The following LPAR1 variants were observed in gnomAD, a reference collection of about 807,000 sequenced individuals.
The protein encoded by LPAR1 is LPA receptor 1.
Under a neutral mutation model 23.8 loss-of-function variants are expected in LPAR1, and 5 were observed. That is an observed-to-expected ratio of 0.21 (90% CI 0.11 to 0.44). The LOEUF (loss-of-function observed/expected upper bound fraction) is 0.44, where lower values mean the gene tolerates loss of function less well. Among genes scored for constraint, LPAR1 ranks in the 20% least tolerant of loss-of-function variants. The pLI is 0.99. For missense variants in LPAR1, 311 were observed against 482.8 expected, an observed-to-expected ratio of 0.64 and a Z score of 3.33; for synonymous variants, 160 against 164.7, an observed-to-expected ratio of 0.97 and a Z score of 0.22.
At chr9:110,980,568 A>C (rs56335971) in intron 2 of LPAR1, among the ~76,000 whole-genome samples, 34,333 of 151,450 alleles carry the variant, frequency 0.23, 4,460 homozygotes, top group African/African-American at 0.35. Flanking sequence ...GGGAGCTAAA[A>C]AAGTTGATCC....
chr9:110,934,843 C>G lies in LPAR1; in HGVS notation c.793+6578G>C, dbSNP rs193232585. 2.2e-3 allele frequency among the ~76,000 whole-genome samples: 318 copies of G among 146,850 alleles called. 1 individual carries two copies. In the East Asian group the frequency reaches 0.025, roughly 11 times the overall value. ...ACAAACACACACACACACACACACA[C>G]AGAGAGTGAGAGAGAGAGGAGAGGA... On this transcript the variant is annotated intron_variant, in intron 5 of 5. Transcript: ENST00000683809.
chr9:110,885,878 T>C (rs1831036), intron 5 of LPAR1, among the ~76,000 whole-genome samples: 109,262 of 150,776 alleles, frequency 0.72, 40,423 homozygotes, highest in African/African-American at 0.77. Context: ...GCCTGACCAA[T>C]ATGATAAAAC....
rs182326375 is a variant in LPAR1 at position 110,905,130 on chromosome 9, G to A, written c.794-29408C>T. ...TTAGATCAACTATAACAAATCCTTG[G>A]AACTAAAGGAACTATATGAAAATTG... On this transcript the variant is annotated intron_variant, in intron 5 of 5. Coordinates refer to ENST00000683809, the MANE Select transcript of LPAR1 (RefSeq NM_001351411.2). 2.6e-4 allele frequency among the ~76,000 whole-genome samples: 38 copies of A among 143,482 alleles called. No individual in the cohort carries two copies. In the East Asian group the frequency reaches 6.0e-3, roughly 23 times the overall value. The allele number at this position is 143,482 out of a possible 152,430, so 94.1% of individuals were successfully genotyped here.
chr9:110,885,893 T>C (rs935075051), intron 5 of LPAR1, among the ~76,000 whole-genome samples: 3 of 151,874 alleles, frequency 2.0e-5, no homozygotes, highest in Admixed American at 1.3e-4. Context: ...TAAAACCCCA[T>C]CTCTACTAAA....
chr9:110,894,137 T>C (rs1469748893), intron 5 of LPAR1, among the ~76,000 whole-genome samples: 1 of 151,952 alleles, frequency 6.6e-6, no homozygotes, highest in Non-Finnish European at 1.5e-5. Flanking sequence ...AATATTCACA[T>C]GGGAACTTAA....
chr9:110,912,632 A>G (rs1027420460), intron 5 of LPAR1, among the ~76,000 whole-genome samples: 26 of 152,320 alleles, frequency 1.7e-4, no homozygotes, highest in African/African-American at 6.0e-4. Context: ...GCTTTCATCA[A>G]CTATAGAAGC....
Position 111,005,575 on chromosome 9 carries a change from A to AAAAAAAAAAAG in LPAR1, c.-182+30546_-182+30547insCTTTTTTTTTT, listed in dbSNP as rs1564316925. On this transcript the variant is annotated intron_variant, in intron 2 of 5. Transcript: ENST00000683809. ...AAAAAAAAAAAAAAAAAAAAAAAAA[A>AAAAAAAAAAAG]AAGAAGAATTGGGAAGGAGGAAGCA... is the stretch of plus-strand genomic sequence containing the variant. 1.9e-3 allele frequency among the ~76,000 whole-genome samples: 245 copies of AAAAAAAAAAAG among 131,440 alleles called. 6 individuals are homozygous for AAAAAAAAAAAG. Among genetic ancestry groups the AAAAAAAAAAAG allele is most frequent in the African/African-American group, 7.5e-3 (233 of 30,888 alleles). The allele number at this position is 131,440 out of a possible 152,430, so 86.2% of individuals were successfully genotyped here.
intron 5 of LPAR1, among the ~76,000 whole-genome samples, chr9:110,923,149 T>G (rs373574470): frequency 1.2e-4 from 18 of 152,204 alleles, no homozygotes; most frequent in Middle Eastern, 3.4e-3. Context: ...CAAGACATAA[T>G]AAAGATCTGC....
At chr9:110,964,500 G>A (rs144706485) in intron 4 of LPAR1, among the ~76,000 whole-genome samples, 72 of 152,156 alleles carry the variant, frequency 4.7e-4, no homozygotes, top group Non-Finnish European at 8.8e-4. Context: ...ACAATGCTAG[G>A]GATCCTAAAA....
intron 5 of LPAR1, among the ~76,000 whole-genome samples, chr9:110,940,550 C>T (rs1432643666): frequency 1.3e-5 from 2 of 151,964 alleles, no homozygotes; most frequent in East Asian, 1.9e-4. Context: ...TGTGATCAAA[C>T]GTTAACCTGA....
chr9:110,907,222 A>G (rs2134158617), intron 5 of LPAR1, among the ~76,000 whole-genome samples: 1 of 152,318 alleles, frequency 6.6e-6, no homozygotes, highest in Admixed American at 6.5e-5. Flanking sequence ...TGTCCGGCAA[A>G]AAATCAAGAG....
chr9:111,023,336 G>A (rs1229376231), intron 2 of LPAR1, among the ~76,000 whole-genome samples: 9 of 151,890 alleles, frequency 5.9e-5, no homozygotes, highest in East Asian at 1.9e-4. Context: ...GCAATCCCAC[G>A]CACACACCCC....
chr9:110,884,782 A>G (rs1179841680), intron 5 of LPAR1, among the ~76,000 whole-genome samples: 2 of 152,182 alleles, frequency 1.3e-5, no homozygotes, highest in African/African-American at 4.8e-5. Context: ...ATATCCTATT[A>G]CTTTGAGTAA....
chr9:110,884,378 C>T (rs2081773332), intron 5 of LPAR1, among the ~76,000 whole-genome samples: 1 of 151,978 alleles, frequency 6.6e-6, no homozygotes, highest in African/African-American at 2.4e-5. Flanking sequence ...CTATAAAACA[C>T]TCCATGGTAG....
chr9:110,894,250 T>C (rs1455583310), intron 5 of LPAR1, among the ~76,000 whole-genome samples: 1 of 152,232 alleles, frequency 6.6e-6, no homozygotes, highest in Non-Finnish European at 1.5e-5. Flanking sequence ...AGGTATGTAT[T>C]CATCTTTTAT....
chr9:110,897,290 TA>T (rs1372452068), intron 5 of LPAR1, among the ~76,000 whole-genome samples: 1 of 152,156 alleles, frequency 6.6e-6, no homozygotes, highest in Non-Finnish European at 1.5e-5. Flanking sequence ...AGATCTGATT[TA>T]AAAACAGGAG....
chr9:111,038,234 T>C lies in LPAR1; in HGVS notation c.-329A>G. Reference sequence around the variant, plus strand: ...GGCTGGCTTCAGGCCGCGCGCCCAGTCCCGGCGGCCCCCGCCCCACCGCCA... The same window carrying C: ...GGCTGGCTTCAGGCCGCGCGCCCAGCCCCGGCGGCCCCCGCCCCACCGCCA... On this transcript the variant is annotated 5_prime_UTR_variant, in exon 1 of 6. Transcript: ENST00000683809. This position sits in a 1 kb window ranked among gnomAD's most constrained non-coding sequence, Gnocchi z 4.4. The C allele has an allele frequency of 6.7e-6, 1 of 148,340 alleles. No homozygotes were observed. The highest frequency in any genetic ancestry group is 1.5e-5 in the Non-Finnish European group (1 of 66,522). 9.2% of individuals were successfully genotyped at this position (148,340 alleles called of 1,614,324 possible). A position where few individuals can be genotyped will look rare whatever the true frequency, so the allele number is the denominator to read the frequency against.
chr9:111,002,209 G>A (rs2097140770), intron 2 of LPAR1, among the ~76,000 whole-genome samples: 1 of 151,952 alleles, frequency 6.6e-6, no homozygotes, highest in Non-Finnish European at 1.5e-5. Context: ...CAACTACGCA[G>A]GAACATTCAA....
chr9:110,954,576 CA>C (rs942109282), intron 4 of LPAR1, among the ~76,000 whole-genome samples: 1 of 151,904 alleles, frequency 6.6e-6, no homozygotes, highest in Admixed American at 6.6e-5. Context: ...TCAAGAAAAA[CA>C]AAAAGCATCA....
Sources: allele counts gnomAD v4.1 joint callset (sites outside exome capture counted in the v4.1 genomes callset), GRCh38; gene constraint gnomAD v4.1.1; non-coding constraint Gnocchi (gnomAD v3.1); transcripts MANE v1.5; gene names NCBI Gene and HGNC (gene_info 2026-07-23, HGNC 2026-07-21).